Variants in SNX30 observed in about 807,000 individuals in gnomAD.
SNX30 encodes the protein sorting nexin-30.
SNX30 carries 24 observed loss-of-function variants against 46.4 expected under a neutral mutation model. The ratio of observed to expected loss-of-function variants is 0.52; its 90% CI spans 0.37 to 0.73. The LOEUF is 0.73. Ranked by LOEUF, SNX30 falls within the 30% of genes least tolerant of loss-of-function variation. The pLI is 0.00. For missense variants in SNX30, 533 were observed against 555.7 expected, an observed-to-expected ratio of 0.96 and a Z score of 0.41; for synonymous variants, 189 against 211.5, an observed-to-expected ratio of 0.89 and a Z score of 0.92.
chr9:112,874,085 C>T lies in SNX30; in HGVS notation c.*5242C>T, dbSNP rs1841485811. ...TGTTCGCAGTCTTAGACCAACACTT[C>T]AGTCAGAAATGTTACTGGGAGGAGG... is the stretch of plus-strand genomic sequence containing the variant. On this transcript the variant is annotated 3_prime_UTR_variant, in exon 9 of 9. Coordinates refer to ENST00000374232, the MANE Select transcript of SNX30 (RefSeq NM_001012994.2). The T allele has an allele frequency of 6.6e-6, 1 of 152,214 alleles. No individual in the cohort carries two copies. Among genetic ancestry groups the T allele is most frequent in the South Asian group, 2.1e-4 (1 of 4,836 alleles). The allele number at this position is 152,214 out of a possible 1,614,324, so 9.4% of individuals were successfully genotyped here. A position where few individuals can be genotyped will look rare whatever the true frequency, so the allele number is the denominator to read the frequency against.
intron 4 of SNX30, among the ~76,000 whole-genome samples, chr9:112,835,799 G>A (rs10817391): frequency 0.17 from 26,546 of 152,022 alleles, 3,130 homozygotes; most frequent in African/African-American, 0.34. Flanking sequence ...CCCCTTATAT[G>A]GCTTTAGTTG....
intron 1 of SNX30, among the ~76,000 whole-genome samples, chr9:112,784,053 C>T (rs193275857): frequency 7.4e-4 from 112 of 152,272 alleles, no homozygotes; most frequent in South Asian, 3.3e-3. Context: ...AGTTTCTAAT[C>T]CTCTGTAATT....
chr9:112,827,350 C>G (rs930675437), intron 3 of SNX30, among the ~76,000 whole-genome samples: 1 of 152,230 alleles, frequency 6.6e-6, no homozygotes, highest in East Asian at 1.9e-4. Flanking sequence ...CTTGAGGTAC[C>G]AAGAAATGTA....
chr9:112,768,781 C>T (rs551545186), intron 1 of SNX30, among the ~76,000 whole-genome samples: 2 of 151,240 alleles, frequency 1.3e-5, no homozygotes, highest in African/African-American at 4.8e-5. Context: ...CTCAGCATCC[C>T]AAGTAGCTGG....
At chr9:112,862,842 C>T (rs1841259726) in intron 7 of SNX30, among the ~76,000 whole-genome samples, 1 of 152,048 alleles carries the variant, frequency 6.6e-6, no homozygotes, top group Non-Finnish European at 1.5e-5. Context: ...GAGGCATGAA[C>T]CACTGCACTC....
chr9:112,869,119 A>C lies in SNX30; in HGVS notation c.*276A>C, dbSNP rs2131518116. 2.5e-6 allele frequency: 1 copy of C among 407,906 alleles called. No homozygotes were observed. The highest frequency in any genetic ancestry group is 4.5e-6 in the Non-Finnish European group (1 of 220,398). The allele number at this position is 407,906 out of a possible 1,614,324, so 25.3% of individuals were successfully genotyped here. A position where few individuals can be genotyped will look rare whatever the true frequency, so the allele number is the denominator to read the frequency against. On this transcript the variant is annotated 3_prime_UTR_variant, in exon 9 of 9. Coordinates refer to ENST00000374232, the MANE Select transcript of SNX30 (RefSeq NM_001012994.2). The stretch of plus-strand genomic sequence containing the variant: ...TCAGTGAAGCACTACGAAAATTTGA[A>C]ACCAAGGGACAAGACAACCTGCAGC...
At position 112,865,651 on chromosome 9, in the gene SNX30, A is replaced by ATGTGTGTGTGTGTGTG. The variant is rs1170776453; in HGVS notation, c.1254+1253_1254+1254insGTGTGTGTGTGTGTGT. Among the ~76,000 whole-genome samples, 43 of 86,146 alleles carry ATGTGTGTGTGTGTGTG rather than the reference A, an allele frequency of 5.0e-4. 1 individual carries two copies. Among genetic ancestry groups the ATGTGTGTGTGTGTGTG allele is most frequent in the Non-Finnish European group, 1.0e-3 (36 of 36,022 alleles). The allele number at this position is 86,146 out of a possible 152,430, so 56.5% of individuals were successfully genotyped here. A position where few individuals can be genotyped will look rare whatever the true frequency, so the allele number is the denominator to read the frequency against. On this transcript the variant is annotated intron_variant, in intron 8 of 8. Transcript: ENST00000374232. Reference sequence around the variant, plus strand: ...TATATATATATATATATATATATATATATATATATATGTATGTATGTATGC... The same window carrying ATGTGTGTGTGTGTGTG: ...TATATATATATATATATATATATATATGTGTGTGTGTGTGTGTATATATATATGTATGTATGTATGC...
intron 8 of SNX30, among the ~76,000 whole-genome samples, chr9:112,864,966 AAGC>A (rs1203513193): frequency 6.7e-6 from 1 of 148,876 alleles, no homozygotes; most frequent in Non-Finnish European, 1.5e-5. Context: ...TGACCAGGTT[AAGC>A]AGCGCACGCA....
rs184221727 is a variant in SNX30 at position 112,818,828 on chromosome 9, G to A, written c.459+1013G>A. The stretch of plus-strand genomic sequence containing the variant: ...CAGTTTTCAGGGTGAAAAGAGCCAC[G>A]TTGCCAGTACTGTGATAGGAACGAT... On this transcript the variant is annotated intron_variant, in intron 3 of 8. Transcript: ENST00000374232. 5.5e-4 allele frequency among the ~76,000 whole-genome samples: 84 copies of A among 152,262 alleles called. No homozygotes were observed. The Middle Eastern group carries it at 0.017, about 31-fold the overall frequency.
chr9:112,796,640 A>T (rs1456473727), intron 1 of SNX30, among the ~76,000 whole-genome samples: 1 of 152,214 alleles, frequency 6.6e-6, no homozygotes, highest in African/African-American at 2.4e-5. Context: ...TCTGTGAAAA[A>T]TGGTACCCTT....
chr9:112,863,010 G>A (rs1319893423), intron 7 of SNX30, among the ~76,000 whole-genome samples: 6 of 152,030 alleles, frequency 3.9e-5, no homozygotes, highest in Admixed American at 6.5e-5. Flanking sequence ...TCTAGTTCCC[G>A]TGTCAGGCAC....
chr9:112,843,110 T>G (rs1564288783), intron 6 of SNX30, among the ~76,000 whole-genome samples: 1 of 152,190 alleles, frequency 6.6e-6, no homozygotes, highest in Non-Finnish European at 1.5e-5. Flanking sequence ...GTATTAGCAT[T>G]GTCATGACTA....
intron 1 of SNX30, among the ~76,000 whole-genome samples, chr9:112,789,755 T>C (rs1839991420): frequency 6.6e-6 from 1 of 152,240 alleles, no homozygotes; most frequent in African/African-American, 2.4e-5. Context: ...AATGTGGACC[T>C]GGATTCTTTC....
intron 7 of SNX30, among the ~76,000 whole-genome samples, chr9:112,855,324 G>A (rs577747294): frequency 6.6e-6 from 1 of 152,264 alleles, no homozygotes; most frequent in East Asian, 1.9e-4. Flanking sequence ...AGGTAGCTCA[G>A]GGGACTGTCT....
intron 7 of SNX30, among the ~76,000 whole-genome samples, chr9:112,852,201 C>T: frequency 6.6e-6 from 1 of 151,820 alleles, no homozygotes; most frequent in East Asian, 1.9e-4. Context: ...TATGATTGCG[C>T]CTGTGAATGG....
intron 4 of SNX30, among the ~76,000 whole-genome samples, chr9:112,832,827 A>ATTTAT (rs1840688612): frequency 6.8e-6 from 1 of 146,842 alleles, no homozygotes; most frequent in Admixed American, 6.9e-5. Flanking sequence ...ATATTAATAT[A>ATTTAT]TAATAAATAT....
intron 4 of SNX30, among the ~76,000 whole-genome samples, chr9:112,832,251 T>C (rs2131446476): frequency 6.6e-6 from 1 of 152,190 alleles, no homozygotes; most frequent in East Asian, 1.9e-4. Context: ...GTATAATTCC[T>C]TCAACTCATA....
intron 1 of SNX30, among the ~76,000 whole-genome samples, chr9:112,754,411 T>C (rs1169533306): frequency 5.5e-5 from 8 of 145,456 alleles, no homozygotes; most frequent in Non-Finnish European, 7.6e-5. Flanking sequence ...TGGGCCTTTT[T>C]TTTTTTTTTT....
intron 1 of SNX30, among the ~76,000 whole-genome samples, chr9:112,761,833 C>T (rs950129651): frequency 1.3e-5 from 2 of 152,118 alleles, no homozygotes; most frequent in East Asian, 1.9e-4. Context: ...ATGCTGCCTC[C>T]AGGAAGCTCT....
Sources: allele counts gnomAD v4.1 joint callset (sites outside exome capture counted in the v4.1 genomes callset), GRCh38; gene constraint gnomAD v4.1.1; transcripts MANE v1.5; gene names NCBI Gene and HGNC (gene_info 2026-07-23, HGNC 2026-07-21).